ARHGAP6: variants seen among roughly 807,000 people sequenced by gnomAD.
The protein encoded by ARHGAP6 is rho GTPase-activating protein 6.
A neutral mutation model predicts 55.7 loss-of-function variants in ARHGAP6; 16 were observed. The ratio of observed to expected loss-of-function variants is 0.29; its 90% CI spans 0.19 to 0.44. The LOEUF is 0.44. Ranked by LOEUF, ARHGAP6 falls within the 20% of genes least tolerant of loss-of-function variation. The probability of loss-of-function intolerance (pLI) is 1.00; values close to 1 mark genes in which losing one functional copy is unlikely to be tolerated. For missense variants in ARHGAP6, 698 were observed against 808.9 expected, an observed-to-expected ratio of 0.86 and a Z score of 1.66; for synonymous variants, 382 against 360.9, an observed-to-expected ratio of 1.06 and a Z score of -0.66.
At chrX:11,642,428 A>G (rs751564950) in intron 1 of ARHGAP6, among the ~76,000 whole-genome samples, 5 of 112,248 alleles carry the variant, frequency 4.5e-5, no homozygotes, top group African/African-American at 1.6e-4. Context: ...AGAAATTCCA[A>G]TGCTACATAT....
intron 10 of ARHGAP6, among the ~76,000 whole-genome samples, chrX:11,147,913 G>T (rs1345698671): frequency 2.7e-5 from 3 of 112,325 alleles, no homozygotes; most frequent in Non-Finnish European, 5.6e-5. Flanking sequence ...TCAGAGAAGT[G>T]GTTGTCTGCC....
At chrX:11,249,407 T>TA (rs1018886152) in intron 2 of ARHGAP6, among the ~76,000 whole-genome samples, 5 of 111,576 alleles carry the variant, frequency 4.5e-5, no homozygotes, top group African/African-American at 1.3e-4. Flanking sequence ...CACCTGTTCC[T>TA]AAAAAACCAT....
intron 1 of ARHGAP6, among the ~76,000 whole-genome samples, chrX:11,351,848 A>G (rs1256502220): frequency 3.6e-5 from 4 of 111,919 alleles, no homozygotes; most frequent in Non-Finnish European, 7.5e-5. Flanking sequence ...CGAGGCCCAA[A>G]CAGCTCACTG....
In ARHGAP6 at chrX:11,498,942, TGAG is replaced by T. The variant is rs752462576; in HGVS notation, c.588+165296_588+165298del. ...TTTGACATATAATTGTACATATTTA[TGAG>T]GAGGCATTTTGGCATGAACATACTA... On this transcript the variant is annotated intron_variant, in intron 1 of 12. Coordinates refer to ENST00000337414, the MANE Select transcript of ARHGAP6 (RefSeq NM_013427.3). 8.9e-5 allele frequency among the ~76,000 whole-genome samples: 10 copies of T among 111,871 alleles called. No homozygotes were observed. The South Asian group carries it at 3.8e-3, about 43-fold the overall frequency.
rs1556037904 is a variant in ARHGAP6, at chrX:11,521,811, C to G, written c.588+142430G>C. Among the ~76,000 whole-genome samples, 5 of 110,897 alleles carry G rather than the reference C, an allele frequency of 4.5e-5. No homozygotes were observed. In the Admixed American group the frequency reaches 4.8e-4, roughly 11 times the overall value. ...ATGAGCATGGAATGTTCTTCCATTT[C>G]TTTGTATCCTCTTTTATTTCATTGA... On this transcript the variant is annotated intron_variant, in intron 1 of 12. Coordinates refer to ENST00000337414, the MANE Select transcript of ARHGAP6 (RefSeq NM_013427.3).
At chrX:11,616,484 C>T (rs1163556595) in intron 1 of ARHGAP6, among the ~76,000 whole-genome samples, 2 of 110,790 alleles carry the variant, frequency 1.8e-5, no homozygotes, top group East Asian at 5.7e-4. Flanking sequence ...CACCACCATG[C>T]CCAGCTAATT....
chrX:11,353,925 T>C (rs750822396), intron 1 of ARHGAP6, among the ~76,000 whole-genome samples: 2 of 111,157 alleles, frequency 1.8e-5, no homozygotes, highest in East Asian at 2.8e-4. Flanking sequence ...AGGCAAACTT[T>C]TCATGCAAAG....
chrX:11,599,076 A>C (rs375240855), intron 1 of ARHGAP6, among the ~76,000 whole-genome samples: 3 of 111,140 alleles, frequency 2.7e-5, no homozygotes, highest in East Asian at 5.6e-4. Context: ...TAAATAAATA[A>C]ATAAATAAAG....
At chrX:11,539,021 AT>A (rs201020329) in intron 1 of ARHGAP6, among the ~76,000 whole-genome samples, 6 of 110,027 alleles carry the variant, frequency 5.5e-5, no homozygotes, top group Non-Finnish European at 1.1e-4. Context: ...CGCGTGGCTA[AT>A]TTTTTTGTAT....
chrX:11,373,332 C>T (rs753935775), intron 1 of ARHGAP6, among the ~76,000 whole-genome samples: 4 of 106,137 alleles, frequency 3.8e-5, no homozygotes, highest in African/African-American at 1.4e-4. Context: ...GAAAATAAAT[C>T]AAAACAAAAC....
chrX:11,342,004 T>C (rs2147653981), intron 1 of ARHGAP6, among the ~76,000 whole-genome samples: 1 of 101,965 alleles, frequency 9.8e-6, no homozygotes, highest in East Asian at 3.1e-4. Context: ...TTGATGGATA[T>C]ACCATTTCAA....
chrX:11,427,539 G>T, intron 1 of ARHGAP6: 1 of 936,312 alleles, frequency 1.1e-6, no homozygotes. Flanking sequence ...CACGCGTCAG[G>T]ACACTCACCG....
At chrX:11,418,423 G>C (rs890147594) in intron 1 of ARHGAP6, among the ~76,000 whole-genome samples, 3 of 111,370 alleles carry the variant, frequency 2.7e-5, no homozygotes, top group African/African-American at 9.8e-5. Flanking sequence ...GCAATTTTAA[G>C]AGTTAAAACC....
chrX:11,309,017 C>T (rs749164646), intron 1 of ARHGAP6, among the ~76,000 whole-genome samples: 72 of 111,869 alleles, frequency 6.4e-4, no homozygotes, highest in African/African-American at 2.3e-3. Flanking sequence ...ATTTGAACCA[C>T]CTGAGCTTTG....
intron 1 of ARHGAP6, among the ~76,000 whole-genome samples, chrX:11,521,392 C>A (rs1283207686): frequency 8.9e-6 from 1 of 112,213 alleles, no homozygotes; most frequent in African/African-American, 3.2e-5. Flanking sequence ...CCAGTTTTCC[C>A]AGCACCATTT....
At chrX:11,214,175 T>C (rs2046844368) in intron 2 of ARHGAP6, among the ~76,000 whole-genome samples, 1 of 110,147 alleles carries the variant, frequency 9.1e-6, no homozygotes, top group African/African-American at 3.3e-5. Flanking sequence ...TAAAAGGATA[T>C]AAAATATCTA....
At chrX:11,500,312 C>CT (rs112294416) in intron 1 of ARHGAP6, among the ~76,000 whole-genome samples, 9,685 of 110,602 alleles carry the variant, frequency 0.088, 510 homozygotes, top group East Asian at 0.18. Context: ...ATAAAATACC[C>CT]TTTTCCAAAG....
At chrX:11,369,321 G>T (rs1204311925) in intron 1 of ARHGAP6, among the ~76,000 whole-genome samples, 1 of 110,980 alleles carries the variant, frequency 9.0e-6, no homozygotes. Flanking sequence ...TATCACTGGG[G>T]GCTTCTGTGA....
At chrX:11,344,022 T>C (rs749313264) in intron 1 of ARHGAP6, among the ~76,000 whole-genome samples, 3 of 112,051 alleles carry the variant, frequency 2.7e-5, no homozygotes, top group Non-Finnish European at 5.6e-5. Context: ...AAAATATATT[T>C]TATTAGCAGC....
Sources: gnomAD v4.1 joint callset for allele counts (sites outside exome capture counted in the v4.1 genomes callset) on GRCh38, gnomAD v4.1.1 for gene constraint, MANE v1.5 for transcripts, NCBI Gene and HGNC (gene_info 2026-07-23, HGNC 2026-07-21) for gene names.